Variants in RRBP1 observed in about 807,000 individuals in gnomAD.
RRBP1 encodes ribosome-binding protein 1.
In RRBP1, 94 loss-of-function variants were observed where a neutral mutation model predicts 165.2. That is an observed-to-expected ratio of 0.57 (90% confidence interval 0.48 to 0.68). The LOEUF is 0.68. RRBP1 is among the 30% of genes least tolerant of loss of function. The probability of loss-of-function intolerance (pLI) is 0.00; values close to 1 mark genes in which losing one functional copy is unlikely to be tolerated. For missense variants in RRBP1, 1,676 were observed against 1,763.0 expected (o/e 0.95, Z 0.88); for synonymous variants, 680 against 714.5 (o/e 0.95, Z 0.77).
chr20:17,624,676 G>A lies in RRBP1; in HGVS notation c.3055-8C>T, dbSNP rs1170561423. 1.3e-6 allele frequency: 2 copies of A among 1,563,008 alleles called. No individual in the cohort carries two copies. Among genetic ancestry groups the A allele is most frequent in the African/African-American group, 2.7e-5 (2 of 74,240 alleles). ...GTTCTTCTCCCGGAGGTCCTGGAGG[G>A]GACACAGGTGAAAGGTCAGCAGCCT... On this transcript the variant is annotated splice_region_variant and splice_polypyrimidine_tract_variant and intron_variant, in intron 12 of 24. Coordinates refer to ENST00000377813, the MANE Select transcript of RRBP1 (RefSeq NM_001365613.2).
At chr20:17,647,430 T>C (rs919053645) in intron 3 of RRBP1, among the ~76,000 whole-genome samples, 1 of 152,246 alleles carries the variant, frequency 6.6e-6, no homozygotes, top group Non-Finnish European at 1.5e-5. Flanking sequence ...CAAGTCTTCA[T>C]AGGCCCTGGG....
chr20:17,625,933 C>G (rs965914857), intron 11 of RRBP1, among the ~76,000 whole-genome samples: 3 of 152,184 alleles, frequency 2.0e-5, no homozygotes. Flanking sequence ...CAGCTTTTCC[C>G]TGCATCATGT....
intron 3 of RRBP1, among the ~76,000 whole-genome samples, chr20:17,657,208 C>A (rs768691004): frequency 6.6e-6 from 1 of 152,246 alleles, no homozygotes; most frequent in East Asian, 1.9e-4. Context: ...GGAAGTAGGG[C>A]TGAGGCCAGA....
chr20:17,631,020 C>T (rs977558755), intron 8 of RRBP1, among the ~76,000 whole-genome samples: 1 of 152,228 alleles, frequency 6.6e-6, no homozygotes, highest in Non-Finnish European at 1.5e-5. Context: ...GCCACTAGGC[C>T]GTGGTTCACG....
In RRBP1 at chr20:17,659,581, G is replaced by T. The variant is rs1175117840; in HGVS notation, c.927C>A (p.Gly309=). 3.9e-6 allele frequency: 6 copies of T among 1,549,536 alleles called. No individual in the cohort carries two copies. The African/African-American group carries it at 6.9e-5, about 18-fold the overall frequency. ...AKKVEGAQNQ[G]KKAEGAQNQG... is the part of the protein sequence containing the mutation. ...GATTCTGGGCCCCCTCTGCCTTTTT[G>T]CCCTGGTTCTGGGCCCCTTCTACCT... The change falls in exon 3 of 25, where the codon GGC becomes GGA. Residue 309 remains glycine (G), a synonymous_variant. Coordinates refer to ENST00000377813, the MANE Select transcript of RRBP1 (RefSeq NM_001365613.2).
Position 17,614,683 on chromosome 20 carries a change from C to CA in RRBP1, c.4194+53_4194+54insT, listed in dbSNP as rs2035757791. On this transcript the variant is annotated intron_variant, in intron 24 of 24. Transcript: ENST00000377813. ...TCTGCCTCTCCCGGTCCTGCCTCCCCGGGGCTCCCGGCAGCTCGACTCCTC... is the reference window on the plus strand; with the variant it reads ...TCTGCCTCTCCCGGTCCTGCCTCCCCAGGGGCTCCCGGCAGCTCGACTCCTC... The CA allele has an allele frequency of 2.5e-6, 4 of 1,598,572 alleles. No individual in the cohort carries two copies. The South Asian group carries it at 4.4e-5, about 18-fold the overall frequency.
chr20:17,666,393 T>G (rs1320249461), intron 2 of RRBP1, among the ~76,000 whole-genome samples: 1 of 152,178 alleles, frequency 6.6e-6, no homozygotes, highest in Non-Finnish European at 1.5e-5. Flanking sequence ...TTAATGATTT[T>G]CTCCATAAAA....
In RRBP1 at chr20:17,615,011, C is replaced by G. The variant is rs962702888; in HGVS notation, c.4051-131G>C. The G allele has an allele frequency of 2.2e-5, 22 of 1,014,632 alleles. 1 individual carries two copies. Among genetic ancestry groups the G allele is most frequent in the Admixed American group, 6.6e-5 (3 of 45,374 alleles). 62.9% of individuals were successfully genotyped at this position (1,014,632 alleles called of 1,614,324 possible). Reference sequence around the variant, plus strand: ...ACAAGGAAGGCAACTCCTGGTCACCCGGAGATAGGTGGTGACGACAGGGAG... The same window carrying G: ...ACAAGGAAGGCAACTCCTGGTCACCGGGAGATAGGTGGTGACGACAGGGAG... On this transcript the variant is annotated intron_variant, in intron 23 of 24. Coordinates refer to ENST00000377813, the MANE Select transcript of RRBP1 (RefSeq NM_001365613.2).
chr20:17,641,823 T>G lies in RRBP1; in HGVS notation c.2158A>C (p.Lys720Gln). ...TTGTTGAGCTCCCTCAGTTTGCTCT[T>G]GGCGACAGCCGCATCTTCCTGTTCT... ...ATEQEDAAVAKSKLRELNKEM... is the reference protein window; with the variant it reads ...ATEQEDAAVAQSKLRELNKEM... Residue 720 changes from lysine to glutamine, a missense_variant, in exon 5 of 25, where the codon AAG becomes CAG. Coordinates refer to ENST00000377813, the MANE Select transcript of RRBP1 (RefSeq NM_001365613.2). 1 of 1,613,598 alleles carries G rather than the reference T, an allele frequency of 6.2e-7. No homozygotes were observed. Among genetic ancestry groups the G allele is most frequent in the South Asian group, 1.1e-5 (1 of 91,054 alleles).
In RRBP1 at chr20:17,627,496, AG is replaced by A; in HGVS notation, c.2928+7del. On this transcript the variant is annotated splice_region_variant and intron_variant, in intron 10 of 24. Coordinates refer to ENST00000377813, the MANE Select transcript of RRBP1 (RefSeq NM_001365613.2). Reference sequence around the variant, plus strand: ...TTTCCTCCCCGTGGCCCCAGGCAGAAGGCTGACCTGGACGTCCTGGGCATCC... The same window carrying A: ...TTTCCTCCCCGTGGCCCCAGGCAGAAGCTGACCTGGACGTCCTGGGCATCC... 1.9e-6 allele frequency: 3 copies of A among 1,608,240 alleles called. No individual in the cohort carries two copies. The highest frequency in any genetic ancestry group is 2.5e-6 in the Non-Finnish European group (3 of 1,176,570).
At chr20:17,671,724 A>C (rs1416739485) in intron 2 of RRBP1, among the ~76,000 whole-genome samples, 1 of 152,164 alleles carries the variant, frequency 6.6e-6, no homozygotes, top group Non-Finnish European at 1.5e-5. Context: ...TGCTATCAGA[A>C]CTTAAGAGTT....
chr20:17,621,316 T>C lies in RRBP1; in HGVS notation c.3414+142A>G, dbSNP rs528119895. On this transcript the variant is annotated intron_variant, in intron 16 of 24. Coordinates refer to ENST00000377813, the MANE Select transcript of RRBP1 (RefSeq NM_001365613.2). ...CTCAGAGGGTGCCATCCATTTACCA[T>C]GCAGCCGAAGAACGGGGCCCAGAGT... is the stretch of plus-strand genomic sequence containing the variant. 6 of 629,796 alleles carry C rather than the reference T, an allele frequency of 9.5e-6. No homozygotes were observed. In the East Asian group the frequency reaches 1.1e-4, roughly 12 times the overall value. 39.0% of individuals were successfully genotyped at this position (629,796 alleles called of 1,614,324 possible).
At chr20:17,649,246 G>A (rs1225478607) in intron 3 of RRBP1, among the ~76,000 whole-genome samples, 1 of 152,156 alleles carries the variant, frequency 6.6e-6, no homozygotes, top group Non-Finnish European at 1.5e-5. Context: ...CTTGATCTCC[G>A]TGTACACCTC....
intron 6 of RRBP1, 126 bp from the exon 7 acceptor site, chr20:17,635,790 G>A (rs1361044098): frequency 9.3e-6 from 7 of 749,924 alleles, no homozygotes; most frequent in Middle Eastern, 2.9e-4. Flanking sequence ...CCTTTTCCAC[G>A]TGGAAGTTAA....
chr20:17,629,000 G>A lies in RRBP1; in HGVS notation c.2749+823C>T, dbSNP rs562458472. On this transcript the variant is annotated intron_variant, in intron 9 of 24. Transcript: ENST00000377813. ...CATCCCCGACAGAAACAGTTCACCC[G>A]GTGTTAACGGGCACTTTTGCCCACT... is the stretch of plus-strand genomic sequence containing the variant. 9.9e-5 allele frequency among the ~76,000 whole-genome samples: 15 copies of A among 151,622 alleles called. No homozygotes were observed. The East Asian group carries it at 1.9e-3, about 20-fold the overall frequency.
intron 9 of RRBP1, among the ~76,000 whole-genome samples, chr20:17,629,017 T>C (rs1267297286): frequency 6.6e-6 from 1 of 152,248 alleles, no homozygotes; most frequent in Non-Finnish European, 1.5e-5. Context: ...ACGGGCACTT[T>C]TGCCCACTGT....
intron 19 of RRBP1, chr20:17,619,391 C>G: frequency 2.4e-6 from 1 of 424,086 alleles, no homozygotes; most frequent in Admixed American, 4.0e-5. Context: ...TCCCTCGGGG[C>G]AGGGCTGCCT....
chr20:17,615,901 T>C (rs769714589), intron 22 of RRBP1, 25 bp downstream of exon 22: 1 of 1,598,336 alleles, frequency 6.3e-7, no homozygotes, highest in South Asian at 1.1e-5. Context: ...TGATGGGGGC[T>C]GAGAGCCACC....
chr20:17,613,747 C>G lies in RRBP1; in HGVS notation c.*435G>C, dbSNP rs1288518005. 6.1e-6 allele frequency: 1 copy of G among 164,444 alleles called. No individual in the cohort carries two copies. Among genetic ancestry groups the G allele is most frequent in the East Asian group, 1.7e-4 (1 of 5,938 alleles). The allele number at this position is 164,444 out of a possible 1,614,324, so 10.2% of individuals were successfully genotyped here. ...GTCACACGTCAGTTCTGGTTGGCAA[C>G]GTCTAGGGGTGAGGGGCTGTGGCCT... On this transcript the variant is annotated 3_prime_UTR_variant, in exon 25 of 25. Coordinates refer to ENST00000377813, the MANE Select transcript of RRBP1 (RefSeq NM_001365613.2).
Sources: allele counts gnomAD v4.1 joint callset (sites outside exome capture counted in the v4.1 genomes callset), GRCh38; gene constraint gnomAD v4.1.1; transcripts MANE v1.5; gene names NCBI Gene and HGNC (gene_info 2026-07-23, HGNC 2026-07-21).